The following RASA1 variants were observed in gnomAD, a reference collection of about 807,000 sequenced individuals.
RASA1 encodes RAS p21 protein activator 1, also known as ras GTPase-activating protein 1.
RASA1 carries 25 observed loss-of-function variants against 132.2 expected under a neutral mutation model. That is an observed-to-expected ratio of 0.19 (90% CI 0.14 to 0.26). The LOEUF (loss-of-function observed/expected upper bound fraction) is 0.26. Ranked by LOEUF, RASA1 falls within the 10% of genes least tolerant of loss-of-function variation. The probability of loss-of-function intolerance (pLI) is 1.00; values close to 1 mark genes in which losing one functional copy is unlikely to be tolerated. For synonymous variants in RASA1, 477 were observed against 449.9 expected (o/e 1.06, Z -0.76); for missense variants, 964 against 1,299.2 (o/e 0.74, Z 3.97).
intron 4 of RASA1, among the ~76,000 whole-genome samples, chr5:87,335,259 T>C (rs999467269): frequency 2.0e-5 from 3 of 152,176 alleles, no homozygotes; most frequent in Admixed American, 2.0e-4. Flanking sequence ...AGTGAGTCTA[T>C]TATTTCAAGG....
At chr5:87,331,174 T>G (rs1757568829) in intron 1 of RASA1, 174 bp from the exon 2 acceptor site, 2 of 924,552 alleles carry the variant, frequency 2.2e-6, no homozygotes, top group Middle Eastern at 2.7e-4. Context: ...AAATGAGTAT[T>G]TTTTGAGACT....
intron 20 of RASA1, 119 bp from the exon 21 acceptor site, chr5:87,383,594 A>G: frequency 1.4e-6 from 1 of 704,366 alleles, no homozygotes; most frequent in Non-Finnish European, 2.3e-6. Flanking sequence ...TTATTGGTTT[A>G]GAGTGAATTT....
intron 20 of RASA1, among the ~76,000 whole-genome samples, chr5:87,381,107 C>G (rs1298323638): frequency 1.3e-5 from 2 of 152,156 alleles, no homozygotes; most frequent in African/African-American, 4.8e-5. Context: ...TATAAAGGGA[C>G]TTCATTATCA....
chr5:87,311,575 C>T (rs1306350377), intron 1 of RASA1, among the ~76,000 whole-genome samples: 2 of 152,198 alleles, frequency 1.3e-5, no homozygotes, highest in Non-Finnish European at 2.9e-5. Context: ...TAGATGCAAG[C>T]TTCCAGTTGC....
At chr5:87,290,101 C>A (rs1754849991) in intron 1 of RASA1, among the ~76,000 whole-genome samples, 1 of 152,172 alleles carries the variant, frequency 6.6e-6, no homozygotes, top group Non-Finnish European at 1.5e-5. Context: ...TGACAGTTAG[C>A]AAGTTATATA....
intron 1 of RASA1, among the ~76,000 whole-genome samples, chr5:87,324,728 C>T (rs1047778111): frequency 1.1e-4 from 17 of 152,206 alleles, no homozygotes; most frequent in African/African-American, 3.1e-4. Flanking sequence ...AATATAAACA[C>T]GCCCTCTTCT....
chr5:87,268,886 T>A lies in RASA1; in HGVS notation c.435T>A (p.Pro145=), dbSNP rs754019936. 8.1e-6 allele frequency: 13 copies of A among 1,613,838 alleles called. No individual in the cohort carries two copies. The highest frequency in any genetic ancestry group is 1.1e-5 in the Non-Finnish European group (13 of 1,179,948). The change falls in exon 1 of 25, where the codon CCT becomes CCA. Residue 145 remains proline, a synonymous_variant. Coordinates refer to ENST00000274376, the MANE Select transcript of RASA1 (RefSeq NM_002890.3). ...PPLPPPPYLP[P]LGAGLGTVDE... The stretch of plus-strand genomic sequence containing the variant: ...TGCCCCCTCCCCCTTACCTGCCCCC[T>A]TTGGGGGCGGGCCTCGGGACAGTGG...
rs376735425 is a variant in RASA1 at position 87,294,729 on chromosome 5, A to G, written c.539+25739A>G. ...TGATAGTAGACATTATATGATTTCTATACTTATAAATTTGTTAAGGTGTGT... is the reference window on the plus strand; with the variant it reads ...TGATAGTAGACATTATATGATTTCTGTACTTATAAATTTGTTAAGGTGTGT... On this transcript the variant is annotated intron_variant, in intron 1 of 24. Transcript: ENST00000274376. 1.7e-4 allele frequency among the ~76,000 whole-genome samples: 26 copies of G among 152,288 alleles called. No individual in the cohort carries two copies. The East Asian group carries it at 4.6e-3, about 27-fold the overall frequency.
At chr5:87,271,454 T>C (rs1421148903) in intron 1 of RASA1, among the ~76,000 whole-genome samples, 1 of 92,392 alleles carries the variant, frequency 1.1e-5, no homozygotes, top group Non-Finnish European at 2.2e-5. Flanking sequence ...GTAGACTTCT[T>C]TTTTTTTTTT....
At chr5:87,348,116 A>G (rs562965369) in intron 7 of RASA1, among the ~76,000 whole-genome samples, 1 of 152,154 alleles carries the variant, frequency 6.6e-6, no homozygotes, top group Non-Finnish European at 1.5e-5. Flanking sequence ...GATTTGTTGT[A>G]TCAACTTAGA....
chr5:87,338,544 T>TTTTC (rs1758194514), intron 5 of RASA1, among the ~76,000 whole-genome samples: 4 of 137,912 alleles, frequency 2.9e-5, no homozygotes, highest in African/African-American at 1.1e-4. Flanking sequence ...AAATTTTTTT[T>TTTTC]TTTTTTAAGT....
chr5:87,327,568 T>G (rs528983106), intron 1 of RASA1, among the ~76,000 whole-genome samples: 4 of 152,304 alleles, frequency 2.6e-5, no homozygotes, highest in African/African-American at 9.6e-5. Flanking sequence ...CTTGGTCTTC[T>G]GCTAGTATGC....
chr5:87,290,663 G>A lies in RASA1; in HGVS notation c.539+21673G>A, dbSNP rs149663783. Among the ~76,000 whole-genome samples the A allele has an allele frequency of 2.6e-5, 4 of 152,114 alleles. No individual in the cohort carries two copies. The East Asian group carries it at 7.7e-4, about 29-fold the overall frequency. On this transcript the variant is annotated intron_variant, in intron 1 of 24. Coordinates refer to ENST00000274376, the MANE Select transcript of RASA1 (RefSeq NM_002890.3). Reference sequence around the variant, plus strand: ...TCTGTTCATTCTTCCTTCCCCCTTAGCCCCTGTCAGTCACTAATCTTTTTA... The same window carrying A: ...TCTGTTCATTCTTCCTTCCCCCTTAACCCCTGTCAGTCACTAATCTTTTTA...
In RASA1 at chr5:87,268,640, C is replaced by T. The variant is rs1262334450; in HGVS notation, c.189C>T (p.Gly63=). ...VETGVAGTLG[G]GAALGSEFLG... is the part of the protein sequence containing the mutation. Reference sequence around the variant, plus strand: ...CCGGAGTGGCTGGAACTCTGGGTGGCGGAGCCGCTTTGGGGTCAGAGTTCC... The same window carrying T: ...CCGGAGTGGCTGGAACTCTGGGTGGTGGAGCCGCTTTGGGGTCAGAGTTCC... The change falls in exon 1 of 25, where the codon GGC becomes GGT. Residue 63 remains glycine, a synonymous_variant. Transcript: ENST00000274376. The T allele has an allele frequency of 1.9e-6, 3 of 1,610,980 alleles. No homozygotes were observed. The highest frequency in any genetic ancestry group is 2.5e-6 in the Non-Finnish European group (3 of 1,179,148).
At chr5:87,313,342 G>T (rs1285243235) in intron 1 of RASA1, among the ~76,000 whole-genome samples, 1 of 152,124 alleles carries the variant, frequency 6.6e-6, no homozygotes, top group African/African-American at 2.4e-5. Flanking sequence ...ACTACCACAG[G>T]GTAGGAGGAC....
At chr5:87,340,995 A>C (rs1326193547) in intron 5 of RASA1, among the ~76,000 whole-genome samples, 2 of 151,190 alleles carry the variant, frequency 1.3e-5, no homozygotes, top group Admixed American at 6.6e-5. Flanking sequence ...AATGTAGGGC[A>C]CAGCTGCTGT....
chr5:87,391,762 T>A lies in RASA1; in HGVS notation c.*879T>A, dbSNP rs1762542859. On this transcript the variant is annotated 3_prime_UTR_variant, in exon 25 of 25. Transcript: ENST00000274376. ...CCCTTTGATTATGCAGACAACCTCA[T>A]CAGCTGCCTAACTTATCCATCTTTG... 1 of 232,438 alleles carries A rather than the reference T, an allele frequency of 4.3e-6. No homozygotes were observed. The highest frequency in any genetic ancestry group is 2.2e-5 in the African/African-American group (1 of 45,274). The allele number at this position is 232,438 out of a possible 1,614,324, so 14.4% of individuals were successfully genotyped here.
At chr5:87,286,476 A>G (rs1030861554) in intron 1 of RASA1, among the ~76,000 whole-genome samples, 1 of 151,954 alleles carries the variant, frequency 6.6e-6, no homozygotes, top group African/African-American at 2.4e-5. Context: ...CACAGAGCTT[A>G]TGTGTATATT....
intron 1 of RASA1, among the ~76,000 whole-genome samples, chr5:87,275,559 TGAA>T (rs2112235782): frequency 6.6e-6 from 1 of 151,994 alleles, no homozygotes; most frequent in Admixed American, 6.5e-5. Context: ...TCTCTCCACT[TGAA>T]GAAGGTTGGC....
Sources: gnomAD v4.1 joint callset for allele counts (sites outside exome capture counted in the v4.1 genomes callset) on GRCh38, gnomAD v4.1.1 for gene constraint, MANE v1.5 for transcripts, NCBI Gene and HGNC (gene_info 2026-07-23, HGNC 2026-07-21) for gene names.